SUGCT: variants seen among roughly 807,000 people sequenced by gnomAD.
SUGCT encodes succinyl-CoA:glutarate CoA-transferase.
In SUGCT, 41 loss-of-function variants were observed where a neutral mutation model predicts 55.0. That is an observed-to-expected ratio of 0.74 (90% confidence interval 0.58 to 0.97). SUGCT has a LOEUF of 0.97. Among genes scored for constraint, SUGCT ranks in the 50% least tolerant of loss-of-function variants. The pLI is 0.00. For missense variants in SUGCT, 568 were observed against 547.8 expected (o/e 1.04, Z -0.37); for synonymous variants, 187 against 200.4 (o/e 0.93, Z 0.56).
chr7:40,856,669 G>A (rs1037364781), intron 13 of SUGCT, among the ~76,000 whole-genome samples: 1 of 152,166 alleles, frequency 6.6e-6, no homozygotes, highest in African/African-American at 2.4e-5. Context: ...ACAGTATTGA[G>A]CAGACTTAAA....
At chr7:40,229,304 A>G (rs1010426979) in intron 6 of SUGCT, among the ~76,000 whole-genome samples, 1 of 152,012 alleles carries the variant, frequency 6.6e-6, no homozygotes, top group Non-Finnish European at 1.5e-5. Flanking sequence ...GGATCACCTG[A>G]GGTCAGGAAT....
At chr7:40,973,989 G>A in the SUGCT span, among the ~76,000 whole-genome samples, 1 of 152,176 alleles carries the variant, frequency 6.6e-6, no homozygotes, top group Non-Finnish European at 1.5e-5. Flanking sequence ...TTCATAGTTA[G>A]CTGCTAATGG....
At chr7:40,476,632 T>C (rs1015281929) in intron 11 of SUGCT, among the ~76,000 whole-genome samples, 2 of 152,168 alleles carry the variant, frequency 1.3e-5, no homozygotes, top group Non-Finnish European at 2.9e-5. Context: ...TACCCTGTTG[T>C]ATAAATATTT....
the SUGCT span, among the ~76,000 whole-genome samples, chr7:40,926,033 C>T: frequency 6.6e-6 from 1 of 151,902 alleles, no homozygotes; most frequent in East Asian, 1.9e-4. Context: ...TTTGAGGTTG[C>T]AGTGAACTAT....
the SUGCT span, among the ~76,000 whole-genome samples, chr7:41,013,792 A>G: frequency 2.0e-5 from 3 of 146,394 alleles, no homozygotes; most frequent in African/African-American, 7.6e-5. Context: ...TTGACTTTTG[A>G]TTTTTTTCAC....
At chr7:40,670,297 TAATAAAGGTAA>T in intron 12 of SUGCT, among the ~76,000 whole-genome samples, 1 of 150,880 alleles carries the variant, frequency 6.6e-6, no homozygotes, top group Non-Finnish European at 1.5e-5. Context: ...AGGAAGGTAT[TAATAAAGGTAA>T]AAGCAGAAAT....
At chr7:40,945,464 G>T in the SUGCT span, among the ~76,000 whole-genome samples, 1 of 152,256 alleles carries the variant, frequency 6.6e-6, no homozygotes, top group Admixed American at 6.5e-5. Context: ...GTTCTAGAAA[G>T]GCTGTCTACA....
chr7:40,487,999 A>T (rs1791472598), intron 11 of SUGCT, among the ~76,000 whole-genome samples: 1 of 151,092 alleles, frequency 6.6e-6, no homozygotes, highest in African/African-American at 2.4e-5. Context: ...ATTTATTTTT[A>T]ATTCATTCAA....
intron 9 of SUGCT, among the ~76,000 whole-genome samples, chr7:40,436,891 A>G: frequency 6.6e-6 from 1 of 152,084 alleles, no homozygotes; most frequent in East Asian, 1.9e-4. Flanking sequence ...AAAAATCAAT[A>G]TGGTCTCTTG....
chr7:40,448,000 G>A (rs370518063), intron 9 of SUGCT, among the ~76,000 whole-genome samples: 2 of 152,244 alleles, frequency 1.3e-5, no homozygotes, highest in East Asian at 3.9e-4. Flanking sequence ...CAATGGGCTA[G>A]GACTGTGGGT....
intron 13 of SUGCT, among the ~76,000 whole-genome samples, chr7:40,753,050 A>G (rs1788093984): frequency 6.6e-6 from 1 of 152,182 alleles, no homozygotes; most frequent in Non-Finnish European, 1.5e-5. Context: ...TCCTCATGAG[A>G]GGGGAATGAC....
chr7:40,717,430 G>A (rs1179698973), intron 12 of SUGCT, among the ~76,000 whole-genome samples: 1 of 152,192 alleles, frequency 6.6e-6, no homozygotes, highest in African/African-American at 2.4e-5. Flanking sequence ...TGCACAAGGC[G>A]TGAACTCCCC....
chr7:40,663,936 T>C (rs970532583), intron 12 of SUGCT, among the ~76,000 whole-genome samples: 1 of 152,174 alleles, frequency 6.6e-6, no homozygotes, highest in Non-Finnish European at 1.5e-5. Flanking sequence ...AGATAAACTC[T>C]TTACAGGGGT....
chr7:40,567,261 T>G (rs767040263), intron 12 of SUGCT, among the ~76,000 whole-genome samples: 1 of 152,256 alleles, frequency 6.6e-6, no homozygotes, highest in Non-Finnish European at 1.5e-5. Context: ...AAGGCCTAAA[T>G]TAACTCTTTC....
intron 12 of SUGCT, among the ~76,000 whole-genome samples, chr7:40,587,988 C>T (rs549354627): frequency 9.9e-5 from 15 of 151,518 alleles, no homozygotes; most frequent in Non-Finnish European, 2.1e-4. Context: ...TGGCAACCTC[C>T]GCCTCCCAGG....
intron 12 of SUGCT, among the ~76,000 whole-genome samples, chr7:40,669,623 T>C (rs1023422368): frequency 6.8e-6 from 1 of 146,872 alleles, no homozygotes; most frequent in Non-Finnish European, 1.5e-5. Context: ...AAAAATACAA[T>C]AACCAAAAAA....
intron 9 of SUGCT, among the ~76,000 whole-genome samples, chr7:40,346,323 ATTTTTCATAGTTTTTTC>A (rs1212202593): frequency 3.3e-5 from 5 of 152,026 alleles, no homozygotes; most frequent in African/African-American, 9.6e-5. Flanking sequence ...ATGTATTTAA[ATTTTTCATAGTTTTTTC>A]TTTTTCATAA....
Position 40,135,092 on chromosome 7 carries a change from G to A in SUGCT, c.72G>A (p.Arg24=), listed in dbSNP as rs866470248. The change falls in exon 1 of 14, where the codon AGG becomes AGA. Residue 24 remains arginine, a synonymous_variant. Transcript: ENST00000335693. ...TCLFSGRGGG[R]GLWTGRPQSD... The stretch of plus-strand genomic sequence containing the variant: ...TCTTCTCCGGCCGGGGCGGCGGGAG[G>A]GGGCTGTGGACTGGCCGCCCGCAGT... 7.7e-6 allele frequency: 12 copies of A among 1,559,264 alleles called. No individual in the cohort carries two copies. The highest frequency in any genetic ancestry group is 1.7e-4 in the Middle Eastern group (1 of 5,888).
intron 9 of SUGCT, among the ~76,000 whole-genome samples, chr7:40,431,898 T>G (rs1315260597): frequency 6.6e-6 from 1 of 152,230 alleles, no homozygotes; most frequent in African/African-American, 2.4e-5. Flanking sequence ...ATTTGTGTAT[T>G]AATTGTAATA....
Sources: allele counts gnomAD v4.1 joint callset (sites outside exome capture counted in the v4.1 genomes callset), GRCh38; gene constraint gnomAD v4.1.1; transcripts MANE v1.5; gene names NCBI Gene and HGNC (gene_info 2026-07-23, HGNC 2026-07-21).